SPATA13: variants seen among roughly 807,000 people sequenced by gnomAD.
The protein encoded by SPATA13 is spermatogenesis associated 13.
SPATA13 carries 50 observed loss-of-function variants against 104.0 expected under a neutral mutation model. That is an observed-to-expected ratio of 0.48 (90% CI 0.38 to 0.61). SPATA13 has a LOEUF of 0.61. Ranked by LOEUF, SPATA13 falls within the 20% of genes least tolerant of loss-of-function variation. The probability of loss-of-function intolerance (pLI) is 0.00; values close to 1 mark genes in which losing one functional copy is unlikely to be tolerated. For synonymous variants in SPATA13, 606 were observed against 667.5 expected (o/e 0.91, Z 1.42); for missense variants, 1,524 against 1,690.6 (o/e 0.90, Z 1.73).
In SPATA13 at chr13:24,223,227, T is replaced by C; in HGVS notation, c.298T>C (p.Ser100Pro). The C allele has an allele frequency of 6.4e-7, 1 of 1,551,666 alleles. No individual in the cohort carries two copies. ...CTCCATGGTCCTGGTGGGGAACTCCTCCACATGGAACACCCTCGCCTCCTT... is the reference window on the plus strand; with the variant it reads ...CTCCATGGTCCTGGTGGGGAACTCCCCCACATGGAACACCCTCGCCTCCTT... ...PHSMVLVGNS[S>P]TWNTLASFRK... Residue 100 changes from serine (S) to proline (P), a missense_variant, in exon 2 of 13, where the codon TCC becomes CCC. Transcript: ENST00000382108.
Position 24,108,268 on chromosome 13 carries a change from A to G in SPATA13, c.-112+90567A>G, listed in dbSNP as rs1423631612. ...CCAACATATTGTTGATTACATTTCA[A>G]CACGTGAATTCGGGAGACACATTCA... On this transcript the variant is annotated intron_variant, in intron 3 of 14. Coordinates refer to the SPATA13 transcript ENST00000424834. Among the ~76,000 whole-genome samples, 6 of 152,370 alleles carry G rather than the reference A, an allele frequency of 3.9e-5. No homozygotes were observed. The East Asian group carries it at 1.2e-3, about 29-fold the overall frequency.
At chr13:24,000,758 G>A (rs1047698538) in intron 2 of SPATA13, among the ~76,000 whole-genome samples, 74 of 152,078 alleles carry the variant, frequency 4.9e-4, no homozygotes, top group African/African-American at 1.7e-3. Context: ...GAATTTGGGA[G>A]AGCCCTGGGC....
At chr13:24,010,166 T>C (rs1272551757) in intron 2 of SPATA13, among the ~76,000 whole-genome samples, 5 of 152,208 alleles carry the variant, frequency 3.3e-5, no homozygotes, top group Non-Finnish European at 5.9e-5. Flanking sequence ...TTTTTGGATC[T>C]ATGATCAGCC....
intron 2 of SPATA13, among the ~76,000 whole-genome samples, chr13:24,232,801 G>A (rs942000714): frequency 2.6e-5 from 4 of 152,148 alleles, no homozygotes; most frequent in Non-Finnish European, 4.4e-5. Flanking sequence ...TGCCTGCCTC[G>A]GCCTCCCGGA....
intron 3 of SPATA13, among the ~76,000 whole-genome samples, chr13:24,097,130 G>A (rs1880110496): frequency 6.6e-6 from 1 of 152,186 alleles, no homozygotes; most frequent in Admixed American, 6.5e-5. Context: ...TTCCTGGAGG[G>A]ATTAAATGCA....
intron 3 of SPATA13, among the ~76,000 whole-genome samples, chr13:24,109,224 T>C (rs537540402): frequency 6.6e-6 from 1 of 152,328 alleles, no homozygotes; most frequent in South Asian, 2.1e-4. Context: ...TTTTCTGTTC[T>C]TGTGATAGTT....
intron 3 of SPATA13, chr13:24,034,478 G>A (rs527453672): frequency 1.3e-5 from 2 of 152,180 alleles, no homozygotes; most frequent in South Asian, 4.2e-4. Context: ...AATAGAGAAA[G>A]TGATCAATTC....
chr13:24,098,606 A>G (rs113561904), intron 3 of SPATA13, among the ~76,000 whole-genome samples: 10 of 147,810 alleles, frequency 6.8e-5, no homozygotes, highest in African/African-American at 2.0e-4. Context: ...AAAAAAAAAA[A>G]AAGAAGAAGA....
intron 5 of SPATA13, among the ~76,000 whole-genome samples, chr13:24,285,939 C>T (rs1031226277): frequency 1.1e-4 from 17 of 152,138 alleles, no homozygotes; most frequent in Non-Finnish European, 2.9e-5. Flanking sequence ...CCTTGGCCTC[C>T]CAAAGTGCTG....
chr13:23,999,165 G>A (rs1875831261), intron 2 of SPATA13, among the ~76,000 whole-genome samples: 1 of 151,978 alleles, frequency 6.6e-6, no homozygotes, highest in African/African-American at 2.4e-5. Flanking sequence ...GACTTCAAGT[G>A]ATCCACCTGC....
chr13:24,066,502 G>A (rs930409543), intron 3 of SPATA13, among the ~76,000 whole-genome samples: 2 of 152,120 alleles, frequency 1.3e-5, no homozygotes, highest in Admixed American at 6.6e-5. Context: ...TGCCAAACAG[G>A]CCACCATTTT....
upstream of SPATA13, among the ~76,000 whole-genome samples, chr13:24,159,730 A>G (rs1882389295): frequency 6.6e-6 from 1 of 152,218 alleles, no homozygotes; most frequent in South Asian, 2.1e-4. Context: ...CATACATAAA[A>G]TTAATTTTCA....
intron 3 of SPATA13, among the ~76,000 whole-genome samples, chr13:24,094,787 A>C (rs375747090): frequency 6.6e-6 from 1 of 152,158 alleles, no homozygotes; most frequent in East Asian, 1.9e-4. Flanking sequence ...TTAATATGTA[A>C]AATATTTCAG....
chr13:24,198,035 G>C (rs750557671), intron 1 of SPATA13, among the ~76,000 whole-genome samples: 2 of 151,918 alleles, frequency 1.3e-5, no homozygotes, highest in African/African-American at 4.8e-5. Flanking sequence ...TAGTTCTGTC[G>C]CCCAGGCTGG....
At chr13:24,077,625 TTAAA>T (rs1460092344) in intron 3 of SPATA13, among the ~76,000 whole-genome samples, 2 of 148,896 alleles carry the variant, frequency 1.3e-5, no homozygotes, top group East Asian at 3.9e-4. Context: ...AAAATAAAAT[TTAAA>T]AAAAAAAGAC....
Position 24,161,612 on chromosome 13 carries a change from G to C in SPATA13, c.-112+680G>C, listed in dbSNP as rs1882498444. Reference sequence around the variant, plus strand: ...CGCGCTGCTGCCAGCGTCAGGGGGAGCTCGGGTGACTTGGGCTGGGCCACC... The same window carrying C: ...CGCGCTGCTGCCAGCGTCAGGGGGACCTCGGGTGACTTGGGCTGGGCCACC... On this transcript the variant is annotated intron_variant, in intron 1 of 12. Transcript: ENST00000382108. This position sits in a 1 kb window ranked among gnomAD's most constrained non-coding sequence, Gnocchi z 4.5. Among the ~76,000 whole-genome samples the C allele has an allele frequency of 6.6e-6, 1 of 152,172 alleles. No homozygotes were observed. Among genetic ancestry groups the C allele is most frequent in the African/African-American group, 2.4e-5 (1 of 41,442 alleles).
intron 1 of SPATA13, among the ~76,000 whole-genome samples, chr13:24,177,906 G>C (rs1171455927): frequency 6.6e-6 from 1 of 151,122 alleles, no homozygotes; most frequent in Non-Finnish European, 1.5e-5. Context: ...ACCCAGGCTG[G>C]AGTATGGTGG....
intron 3 of SPATA13, among the ~76,000 whole-genome samples, chr13:24,138,419 G>C (rs1276400647): frequency 6.6e-6 from 1 of 152,106 alleles, no homozygotes; most frequent in Non-Finnish European, 1.5e-5. Flanking sequence ...GTTTTCCTAG[G>C]ACTGGAACTG....
chr13:24,127,709 A>G (rs1044263135), intron 3 of SPATA13, among the ~76,000 whole-genome samples: 7 of 152,264 alleles, frequency 4.6e-5, no homozygotes, highest in Non-Finnish European at 1.0e-4. Context: ...GCGCCCATCA[A>G]TGGTTGCTGA....
Sources: allele counts gnomAD v4.1 joint callset (sites outside exome capture counted in the v4.1 genomes callset), GRCh38; gene constraint gnomAD v4.1.1; non-coding constraint Gnocchi (gnomAD v3.1); transcripts MANE v1.5; gene names NCBI Gene and HGNC (gene_info 2026-07-23, HGNC 2026-07-21).